The following SNX29 variants were observed in gnomAD, a reference collection of about 807,000 sequenced individuals.
SNX29 encodes sorting nexin 29.
In SNX29, 78 loss-of-function variants were observed where a neutral mutation model predicts 102.1. That is an observed-to-expected ratio of 0.76 (90% CI 0.64 to 0.92). The LOEUF (loss-of-function observed/expected upper bound fraction) is 0.92, where lower values mean the gene tolerates loss of function less well. Ranked by LOEUF, SNX29 falls within the 40% of genes least tolerant of loss-of-function variation. The pLI, the probability that SNX29 is intolerant of heterozygous loss-of-function variation, is 0.00. For missense variants in SNX29, 1,280 were observed against 1,061.7 expected, an observed-to-expected ratio of 1.21 and a Z score of -2.86; for synonymous variants, 580 against 414.5, an observed-to-expected ratio of 1.40 and a Z score of -4.85.
chr16:12,535,984 G>C (rs1192321941), intron 20 of SNX29, among the ~76,000 whole-genome samples: 1 of 152,202 alleles, frequency 6.6e-6, no homozygotes, highest in Non-Finnish European at 1.5e-5. Context: ...GAGAAAAGGG[G>C]TCTTTGATAC....
At chr16:12,037,464 A>C (rs1473224519) in intron 4 of SNX29, among the ~76,000 whole-genome samples, 4 of 152,092 alleles carry the variant, frequency 2.6e-5, no homozygotes, top group African/African-American at 9.7e-5. Context: ...GTACCAAAAA[A>C]CTTATCAATC....
chr16:12,082,855 C>T (rs1025686796), intron 11 of SNX29, among the ~76,000 whole-genome samples: 6 of 152,014 alleles, frequency 3.9e-5, no homozygotes, highest in East Asian at 1.9e-4. Context: ...AAATTTTGAG[C>T]GAAGGGTGGT....
At chr16:12,106,738 C>T (rs994765623) in intron 11 of SNX29, among the ~76,000 whole-genome samples, 3 of 151,552 alleles carry the variant, frequency 2.0e-5, no homozygotes, top group Admixed American at 2.0e-4. Flanking sequence ...GCCTTGGCCT[C>T]TGAAAGTGCT....
chr16:12,417,478 G>A (rs988889757), intron 18 of SNX29, among the ~76,000 whole-genome samples: 2 of 152,154 alleles, frequency 1.3e-5, no homozygotes, highest in South Asian at 2.1e-4. Context: ...GAGGGGGTGG[G>A]TGGTTCTCCT....
chr16:12,431,086 A>G (rs1413097659), intron 18 of SNX29, among the ~76,000 whole-genome samples: 1 of 152,162 alleles, frequency 6.6e-6, no homozygotes, highest in Non-Finnish European at 1.5e-5. Flanking sequence ...TCCTGATCTC[A>G]GGTGATCCAC....
Position 12,284,641 on chromosome 16 carries a change from A to G in SNX29, c.1782+6605A>G, listed in dbSNP as rs142115159. On this transcript the variant is annotated intron_variant, in intron 15 of 20. Transcript: ENST00000566228. ...GCAATTAACAGTAAGCATTTATTCAATAGACTAATAGCAATGAGTCTGATA... is the reference window on the plus strand; with the variant it reads ...GCAATTAACAGTAAGCATTTATTCAGTAGACTAATAGCAATGAGTCTGATA... Among the ~76,000 whole-genome samples, 306 of 152,272 alleles carry G rather than the reference A, an allele frequency of 2.0e-3. 1 individual carries two copies. The highest frequency in any genetic ancestry group is 3.5e-3 in the Admixed American group (53 of 15,298).
At chr16:12,102,646 G>A (rs191974614) in intron 11 of SNX29, among the ~76,000 whole-genome samples, 59 of 152,164 alleles carry the variant, frequency 3.9e-4, no homozygotes, top group African/African-American at 1.3e-3. Context: ...TTTGAAAACC[G>A]GCACAAGACA....
At chr16:12,045,616 TTATTATTATTATTATTATTATTATTA>T (rs1217767298) in intron 5 of SNX29, among the ~76,000 whole-genome samples, 2 of 141,580 alleles carry the variant, frequency 1.4e-5, no homozygotes, top group African/African-American at 5.1e-5. Flanking sequence ...CATTATATTA[TTATTATTATTATTATTATTATTATTA>T]TTATTTTGAG....
At chr16:12,456,833 C>G (rs531927302) in intron 18 of SNX29, among the ~76,000 whole-genome samples, 1 of 152,242 alleles carries the variant, frequency 6.6e-6, no homozygotes, top group African/African-American at 2.4e-5. Flanking sequence ...TGCTGGCCTT[C>G]ACAGAGACGT....
chr16:12,385,225 T>G (rs1228236501), intron 16 of SNX29, among the ~76,000 whole-genome samples: 2 of 152,192 alleles, frequency 1.3e-5, no homozygotes, highest in African/African-American at 4.8e-5. Context: ...TTATCATTTC[T>G]AAAGTCTTTG....
intron 20 of SNX29, among the ~76,000 whole-genome samples, chr16:12,563,243 C>T (rs1341053290): frequency 2.0e-5 from 3 of 152,082 alleles, no homozygotes; most frequent in African/African-American, 7.2e-5. Flanking sequence ...TCCCCATCAT[C>T]ACTGACCCCG....
chr16:12,452,847 C>G lies in SNX29; in HGVS notation c.2038-24872C>G, dbSNP rs1027862860. On this transcript the variant is annotated intron_variant, in intron 18 of 20. Transcript: ENST00000566228. The stretch of plus-strand genomic sequence containing the variant: ...AGATCACAGGTCTATCTATCCTGTT[C>G]AAGTTGGGTTTTAAAATAAAATTGC... Among the ~76,000 whole-genome samples, 4 of 152,138 alleles carry G rather than the reference C, an allele frequency of 2.6e-5. No individual in the cohort carries two copies. In the East Asian group the frequency reaches 7.7e-4, roughly 29 times the overall value.
chr16:12,542,071 T>G (rs2077367376), intron 20 of SNX29, among the ~76,000 whole-genome samples: 1 of 151,996 alleles, frequency 6.6e-6, no homozygotes, highest in Non-Finnish European at 1.5e-5. Context: ...AGTCACCAGT[T>G]AGTCCAAATC....
At chr16:12,503,131 A>G (rs1045375645) in intron 19 of SNX29, among the ~76,000 whole-genome samples, 1 of 151,848 alleles carries the variant, frequency 6.6e-6, no homozygotes, top group African/African-American at 2.4e-5. Context: ...GGTCGCCTCA[A>G]CTGCACACCC....
At chr16:12,489,524 C>G (rs1361697318) in intron 19 of SNX29, among the ~76,000 whole-genome samples, 1 of 152,204 alleles carries the variant, frequency 6.6e-6, no homozygotes, top group Non-Finnish European at 1.5e-5. Flanking sequence ...AAGTCCTCAG[C>G]CTTTGTGGCA....
At chr16:12,350,471 C>T (rs2081962423) in intron 15 of SNX29, among the ~76,000 whole-genome samples, 1 of 152,044 alleles carries the variant, frequency 6.6e-6, no homozygotes, top group African/African-American at 2.4e-5. Flanking sequence ...ATTTTGCTAT[C>T]CGTGTGGAGT....
At chr16:12,290,736 C>A (rs1050253425) in intron 15 of SNX29, among the ~76,000 whole-genome samples, 1 of 152,030 alleles carries the variant, frequency 6.6e-6, no homozygotes, top group Admixed American at 6.5e-5. Flanking sequence ...GACTGTGTGA[C>A]TAGTTTTGGC....
At chr16:12,186,794 T>A (rs750949050) in intron 13 of SNX29, among the ~76,000 whole-genome samples, 1 of 152,210 alleles carries the variant, frequency 6.6e-6, no homozygotes, top group Non-Finnish European at 1.5e-5. Flanking sequence ...TGTTTCCTCA[T>A]GATTAGGTTC....
intron 13 of SNX29, among the ~76,000 whole-genome samples, chr16:12,145,048 C>G (rs754161519): frequency 1.3e-5 from 2 of 152,210 alleles, no homozygotes; most frequent in Non-Finnish European, 2.9e-5. Flanking sequence ...GGATCTGCCT[C>G]TGAGCTTTCA....
Sources: gnomAD v4.1 joint callset for allele counts (sites outside exome capture counted in the v4.1 genomes callset) on GRCh38, gnomAD v4.1.1 for gene constraint, MANE v1.5 for transcripts, NCBI Gene and HGNC (gene_info 2026-07-23, HGNC 2026-07-21) for gene names.